The following ROBO2 variants were observed in gnomAD, a reference collection of about 807,000 sequenced individuals.
ROBO2 encodes the protein roundabout homolog 2.
In ROBO2, 53 loss-of-function variants were observed where a neutral mutation model predicts 160.8. The ratio of observed to expected loss-of-function variants is 0.33; its 90% confidence interval spans 0.26 to 0.41. The LOEUF is 0.41. ROBO2 is among the 10% of genes least tolerant of loss of function. The probability of loss-of-function intolerance (pLI) is 1.00; values close to 1 mark genes in which losing one functional copy is unlikely to be tolerated. For synonymous variants in ROBO2, 664 were observed against 611.7 expected (o/e 1.09, Z -1.26); for missense variants, 1,577 against 1,722.4 (o/e 0.92, Z 1.49).
chr3:77,646,164 A>G (rs1256598456), exon 26 of ROBO2: 2 of 713,350 alleles, frequency 2.8e-6, no homozygotes, highest in Non-Finnish European at 4.5e-6. Flanking sequence ...TACTATTAAA[A>G]GAACTGTAAA....
chr3:77,120,260 G>A (rs889125370), intron 2 of ROBO2, among the ~76,000 whole-genome samples: 1 of 152,144 alleles, frequency 6.6e-6, no homozygotes, highest in African/African-American at 2.4e-5. Flanking sequence ...GAGAGATATG[G>A]CAAAGAACTA....
chr3:76,435,101 G>T (rs1169239011), intron 2 of ROBO2: 4 of 987,476 alleles, frequency 4.1e-6, no homozygotes, highest in East Asian at 2.4e-5. Context: ...AGGGCAAAAT[G>T]AACTCCATTA....
At chr3:76,516,983 A>T (rs1690380850) in intron 2 of ROBO2, among the ~76,000 whole-genome samples, 1 of 152,322 alleles carries the variant, frequency 6.6e-6, no homozygotes, top group East Asian at 1.9e-4. Flanking sequence ...AAGAATGGAG[A>T]TGAGAAATAC....
At chr3:76,877,864 A>G (rs2072920955) in intron 2 of ROBO2, among the ~76,000 whole-genome samples, 2 of 152,064 alleles carry the variant, frequency 1.3e-5, no homozygotes, top group Non-Finnish European at 2.9e-5. Context: ...GTGCAGAGAG[A>G]GAGAGGAAGA....
chr3:76,428,192 C>A (rs557718651), intron 2 of ROBO2, among the ~76,000 whole-genome samples: 1 of 152,022 alleles, frequency 6.6e-6, no homozygotes, highest in Admixed American at 6.6e-5. Flanking sequence ...GCCCACATAC[C>A]TGATTTCGAG....
At chr3:76,070,291 T>A (rs6776808) in intron 2 of ROBO2, among the ~76,000 whole-genome samples, 3 of 151,518 alleles carry the variant, frequency 2.0e-5, no homozygotes, top group Non-Finnish European at 2.9e-5. Context: ...GGAACATCCT[T>A]GAGAAAGAGT....
chr3:76,790,523 A>G (rs920463180), intron 2 of ROBO2, among the ~76,000 whole-genome samples: 3 of 151,712 alleles, frequency 2.0e-5, no homozygotes, highest in Non-Finnish European at 3.0e-5. Context: ...TCAAAAATGT[A>G]TTTAATACAT....
chr3:76,227,082 G>A (rs1464140349), intron 2 of ROBO2, among the ~76,000 whole-genome samples: 1 of 152,146 alleles, frequency 6.6e-6, no homozygotes, highest in Non-Finnish European at 1.5e-5. Context: ...TTGCCGACTG[G>A]CTCACTACAG....
At chr3:77,595,748 A>T (rs975593873) in intron 18 of ROBO2, among the ~76,000 whole-genome samples, 7 of 152,208 alleles carry the variant, frequency 4.6e-5, no homozygotes, top group Non-Finnish European at 1.0e-4. Context: ...TCAATATTTT[A>T]GCAAAAAGAG....
At chr3:76,256,155 T>G (rs1706347099) in intron 2 of ROBO2, among the ~76,000 whole-genome samples, 1 of 151,454 alleles carries the variant, frequency 6.6e-6, no homozygotes, top group South Asian at 2.1e-4. Context: ...AAAATAATAA[T>G]AAAAAATGTC....
At position 77,331,560 on chromosome 3, in the gene ROBO2, G is replaced by T. The variant is rs1319903348; in HGVS notation, c.389-145854G>T. On this transcript the variant is annotated intron_variant, in intron 2 of 25. Coordinates refer to ENST00000461745, the Ensembl canonical transcript of ROBO2. The stretch of plus-strand genomic sequence containing the variant: ...AGAAACTTAATTTCATATATTGAAG[G>T]CAAAGAAAAAAATACTTGCAAATCT... Among the ~76,000 whole-genome samples the T allele has an allele frequency of 5.9e-5, 9 of 152,040 alleles. No individual in the cohort carries two copies. In the South Asian group the frequency reaches 1.5e-3, roughly 25 times the overall value.
In ROBO2 at chr3:76,779,991, C is replaced by A. The variant is rs183206378; in HGVS notation, c.110-318023C>A. 5.3e-5 allele frequency among the ~76,000 whole-genome samples: 8 copies of A among 150,940 alleles called. No individual in the cohort carries two copies. The East Asian group carries it at 1.6e-3, about 30-fold the overall frequency. On this transcript the variant is annotated intron_variant, in intron 2 of 26. Transcript: ENST00000487694. ...AACTCCATAGTATTTTCTATAATTG[C>A]TGTACCAATTTTTGTTCCCACCAAC... is the stretch of plus-strand genomic sequence containing the variant.
At chr3:77,110,754 C>A (rs961856586) in intron 2 of ROBO2, among the ~76,000 whole-genome samples, 1 of 151,532 alleles carries the variant, frequency 6.6e-6, no homozygotes, top group Admixed American at 6.6e-5. Flanking sequence ...AGTGCAGTGG[C>A]GTGATCACAG....
chr3:76,939,142 G>A (rs529549902), intron 2 of ROBO2, among the ~76,000 whole-genome samples: 6 of 152,250 alleles, frequency 3.9e-5, no homozygotes, highest in African/African-American at 1.2e-4. Context: ...GCATGACTCT[G>A]AGTAAGATAT....
intron 2 of ROBO2, among the ~76,000 whole-genome samples, chr3:76,871,843 A>C (rs1169985786): frequency 6.6e-6 from 1 of 152,324 alleles, no homozygotes; most frequent in South Asian, 2.1e-4. Context: ...CATTAGAGCT[A>C]GACTGACCAT....
At chr3:77,372,354 AGTT>A (rs1426401872) in intron 2 of ROBO2, among the ~76,000 whole-genome samples, 1 of 152,164 alleles carries the variant, frequency 6.6e-6, no homozygotes, top group Non-Finnish European at 1.5e-5. Context: ...ATAATCCTTA[AGTT>A]TCTTTCCATT....
At chr3:76,310,799 T>TACCC (rs2071544083) in intron 2 of ROBO2, among the ~76,000 whole-genome samples, 1 of 152,154 alleles carries the variant, frequency 6.6e-6, no homozygotes, top group African/African-American at 2.4e-5. Context: ...AGCCCAGCAC[T>TACCC]ACCCACCCAA....
chr3:76,557,627 T>A (rs2083879456), intron 2 of ROBO2, among the ~76,000 whole-genome samples: 1 of 148,196 alleles, frequency 6.7e-6, no homozygotes, highest in South Asian at 2.1e-4. Context: ...TTTTTTACTT[T>A]AAGAAGTTTA....
chr3:76,864,590 T>G (rs1039953051), intron 2 of ROBO2, among the ~76,000 whole-genome samples: 26 of 152,036 alleles, frequency 1.7e-4, no homozygotes, highest in African/African-American at 6.3e-4. Flanking sequence ...CATCAAAAAT[T>G]CTGTCACCGT....
Sources: allele counts gnomAD v4.1 joint callset (sites outside exome capture counted in the v4.1 genomes callset), GRCh38; gene constraint gnomAD v4.1.1; transcripts MANE v1.5; gene names NCBI Gene and HGNC (gene_info 2026-07-23, HGNC 2026-07-21).